The following VWC2L variants were observed in gnomAD, a reference collection of about 807,000 sequenced individuals.
The protein encoded by VWC2L is von Willebrand factor C domain containing 2 like, also known as von Willebrand factor C domain-containing protein 2-like.
VWC2L carries 10 observed loss-of-function variants against 21.6 expected under a neutral mutation model. The ratio of observed to expected loss-of-function variants is 0.46; its 90% confidence interval spans 0.29 to 0.78. VWC2L has a LOEUF of 0.78. Ranked by LOEUF, VWC2L falls within the 30% of genes least tolerant of loss-of-function variation. The pLI, the probability that VWC2L is intolerant of heterozygous loss-of-function variation, is 0.10. For missense variants in VWC2L, 209 were observed against 277.1 expected (o/e 0.75, Z 1.74); for synonymous variants, 96 against 94.3 (o/e 1.02, Z -0.10).
intron 3 of VWC2L, among the ~76,000 whole-genome samples, chr2:214,508,044 T>C (rs2105904201): frequency 6.6e-6 from 1 of 152,328 alleles, no homozygotes; most frequent in Non-Finnish European, 1.5e-5. Flanking sequence ...TGGCGTGATC[T>C]CGGCTCACTG....
chr2:214,485,138 G>A (rs1411297554), intron 3 of VWC2L, among the ~76,000 whole-genome samples: 5 of 152,164 alleles, frequency 3.3e-5, no homozygotes, highest in African/African-American at 9.6e-5. Flanking sequence ...CCAACATGGT[G>A]AAACCCCATC....
At chr2:214,568,974 A>T (rs923313180) in intron 3 of VWC2L, among the ~76,000 whole-genome samples, 8 of 152,034 alleles carry the variant, frequency 5.3e-5, no homozygotes, top group South Asian at 2.1e-4. Context: ...CCTCCCCCAG[A>T]TCAAACTGCA....
chr2:214,453,157 AT>A (rs941082609), intron 3 of VWC2L, among the ~76,000 whole-genome samples: 11 of 152,124 alleles, frequency 7.2e-5, no homozygotes, highest in African/African-American at 1.7e-4. Flanking sequence ...GGTCAAAAAA[AT>A]ATTTTTCCTT....
intron 1 of VWC2L, among the ~76,000 whole-genome samples, chr2:214,413,563 T>A (rs1702309406): frequency 6.6e-6 from 1 of 152,192 alleles, no homozygotes; most frequent in African/African-American, 2.4e-5. Context: ...ACGCCATTGT[T>A]GTTCTTTAAT....
chr2:214,509,743 C>T (rs1029200956), intron 3 of VWC2L, among the ~76,000 whole-genome samples: 12 of 152,204 alleles, frequency 7.9e-5, no homozygotes, highest in Non-Finnish European at 1.5e-4. Context: ...ATAACTTTCT[C>T]TACCCCAGTT....
intron 1 of VWC2L, among the ~76,000 whole-genome samples, 182 bp downstream of exon 1, chr2:214,411,968 A>G (rs1702279429): frequency 6.6e-6 from 1 of 151,994 alleles, no homozygotes; most frequent in Non-Finnish European, 1.5e-5. Context: ...GATTTATCCC[A>G]TGTTTCTTCT....
chr2:214,569,413 T>C (rs546184534), intron 3 of VWC2L, among the ~76,000 whole-genome samples: 95 of 152,208 alleles, frequency 6.2e-4, no homozygotes, highest in African/African-American at 2.0e-3. Context: ...AGGCCCCCAG[T>C]CTAGTGGATG....
At chr2:214,432,080 A>T (rs956495821) in intron 2 of VWC2L, among the ~76,000 whole-genome samples, 2 of 152,230 alleles carry the variant, frequency 1.3e-5, no homozygotes, top group African/African-American at 4.8e-5. Flanking sequence ...TTTAAATAAA[A>T]TACAAACATC....
At chr2:214,569,975 T>C (rs904552259) in intron 3 of VWC2L, among the ~76,000 whole-genome samples, 20 of 132,642 alleles carry the variant, frequency 1.5e-4, no homozygotes, top group Non-Finnish European at 2.3e-4. Context: ...TTTCAGGGCT[T>C]ACCAGGAAAA....
At chr2:214,541,410 C>A (rs1689624555) in intron 3 of VWC2L, among the ~76,000 whole-genome samples, 1 of 152,184 alleles carries the variant, frequency 6.6e-6, no homozygotes, top group African/African-American at 2.4e-5. Context: ...GTCATTAGAG[C>A]TGCCTCATTG....
intron 3 of VWC2L, among the ~76,000 whole-genome samples, chr2:214,462,383 A>G (rs1703156597): frequency 6.6e-6 from 1 of 152,042 alleles, no homozygotes; most frequent in Non-Finnish European, 1.5e-5. Flanking sequence ...CAACTGCCTC[A>G]TTTCTCTCTC....
chr2:214,572,783 T>TA (rs1362549329), intron 3 of VWC2L, among the ~76,000 whole-genome samples: 3 of 152,286 alleles, frequency 2.0e-5, no homozygotes, highest in Admixed American at 6.5e-5. Flanking sequence ...CAGGTACTAA[T>TA]AAAAAATCAC....
intron 2 of VWC2L, among the ~76,000 whole-genome samples, chr2:214,422,384 T>G (rs527331840): frequency 2.6e-5 from 4 of 152,310 alleles, no homozygotes; most frequent in African/African-American, 4.8e-5. Context: ...ATATTAAATC[T>G]TTTTGTTCCT....
At chr2:214,421,080 T>A (rs1702431619) in intron 2 of VWC2L, among the ~76,000 whole-genome samples, 1 of 152,228 alleles carries the variant, frequency 6.6e-6, no homozygotes, top group Non-Finnish European at 1.5e-5. Context: ...TTGAGTAATT[T>A]CATTCCAGAG....
At chr2:214,501,324 T>G (rs1202407111) in intron 3 of VWC2L, among the ~76,000 whole-genome samples, 1 of 152,148 alleles carries the variant, frequency 6.6e-6, no homozygotes, top group Non-Finnish European at 1.5e-5. Context: ...AAGTGTTCTC[T>G]CCAGCTCTGG....
intron 3 of VWC2L, among the ~76,000 whole-genome samples, chr2:214,447,239 C>A (rs564962352): frequency 6.6e-6 from 1 of 152,104 alleles, no homozygotes; most frequent in African/African-American, 2.4e-5. Context: ...CCACTGGCTA[C>A]GGGAGAGCCT....
chr2:214,506,291 T>C (rs1688967087), intron 3 of VWC2L, among the ~76,000 whole-genome samples: 1 of 152,126 alleles, frequency 6.6e-6, no homozygotes, highest in South Asian at 2.1e-4. Context: ...TATAGATCTA[T>C]AAAATAATAC....
At chr2:214,495,020 C>G (rs565405063) in intron 3 of VWC2L, among the ~76,000 whole-genome samples, 1 of 152,050 alleles carries the variant, frequency 6.6e-6, no homozygotes, top group Non-Finnish European at 1.5e-5. Context: ...GTTGTGCTTT[C>G]GAAGTGTCTG....
At chr2:214,490,973 T>G (rs1393258923) in intron 3 of VWC2L, among the ~76,000 whole-genome samples, 1 of 152,132 alleles carries the variant, frequency 6.6e-6, no homozygotes, top group Non-Finnish European at 1.5e-5. Context: ...TTCTATGACA[T>G]TTCCGGAATA....
Sources: allele counts gnomAD v4.1 joint callset (sites outside exome capture counted in the v4.1 genomes callset), GRCh38; gene constraint gnomAD v4.1.1; transcripts MANE v1.5; gene names NCBI Gene and HGNC (gene_info 2026-07-23, HGNC 2026-07-21).